Variants in GALNT13 observed in about 807,000 individuals in gnomAD.
The protein encoded by GALNT13 is UDP-GalNAc:polypeptide N-acetylgalactosaminyltransferase 13.
In GALNT13, 28 loss-of-function variants were observed where a neutral mutation model predicts 64.2. That is an observed-to-expected ratio of 0.44 (90% CI 0.32 to 0.60). The LOEUF (loss-of-function observed/expected upper bound fraction) is 0.60. GALNT13 is among the 20% of genes least tolerant of loss of function. The probability of loss-of-function intolerance (pLI) is 0.05; values close to 1 mark genes in which losing one functional copy is unlikely to be tolerated. For synonymous variants in GALNT13, 214 were observed against 224.6 expected (o/e 0.95, Z 0.42); for missense variants, 577 against 669.8 (o/e 0.86, Z 1.53).
intron 4 of GALNT13, among the ~76,000 whole-genome samples, chr2:154,195,038 C>T (rs1021112031): frequency 1.3e-5 from 2 of 151,936 alleles, no homozygotes; most frequent in African/African-American, 4.8e-5. Flanking sequence ...CCTTCCATCC[C>T]CTGACAGGTC....
the GALNT13 span, among the ~76,000 whole-genome samples, chr2:153,715,290 T>C: frequency 2.6e-5 from 4 of 152,360 alleles, no homozygotes; most frequent in South Asian, 6.2e-4. Context: ...AGGTGGTAAT[T>C]GGATCTGGGA....
At chr2:153,840,721 A>G in the GALNT13 span, among the ~76,000 whole-genome samples, 1 of 152,156 alleles carries the variant, frequency 6.6e-6, no homozygotes, top group Non-Finnish European at 1.5e-5. Flanking sequence ...AGAAAATACA[A>G]TAAAAAATAG....
intron 3 of GALNT13, among the ~76,000 whole-genome samples, chr2:154,026,060 A>T (rs1394392659): frequency 1.3e-5 from 2 of 152,166 alleles, no homozygotes; most frequent in African/African-American, 4.8e-5. Flanking sequence ...GGGGAGTAAG[A>T]ACATAGTAGA....
the GALNT13 span, among the ~76,000 whole-genome samples, chr2:153,854,447 G>T: frequency 1.5e-4 from 23 of 151,850 alleles, no homozygotes; most frequent in Non-Finnish European, 2.6e-4. Context: ...CAGGCGTGGG[G>T]GTGCACACCT....
At chr2:153,379,242 A>G in the GALNT13 span, among the ~76,000 whole-genome samples, 1 of 152,194 alleles carries the variant, frequency 6.6e-6, no homozygotes, top group Admixed American at 6.5e-5. Context: ...TGCTTTTAAA[A>G]TAACAAAAAC....
intron 10 of GALNT13, among the ~76,000 whole-genome samples, chr2:154,396,959 TA>T (rs1445601697): frequency 3.3e-5 from 5 of 149,976 alleles, no homozygotes; most frequent in African/African-American, 1.2e-4. Context: ...ATATATAATA[TA>T]TTCCTGTATT....
At chr2:153,323,662 T>A in the GALNT13 span, among the ~76,000 whole-genome samples, 1 of 152,202 alleles carries the variant, frequency 6.6e-6, no homozygotes, top group African/African-American at 2.4e-5. Context: ...AGTTAATTAT[T>A]GTATAAGGTG....
the GALNT13 span, among the ~76,000 whole-genome samples, chr2:153,577,454 T>C: frequency 6.6e-6 from 1 of 152,102 alleles, no homozygotes; most frequent in Non-Finnish European, 1.5e-5. Context: ...CCTTTCTAGC[T>C]CACAGAAGAG....
At chr2:154,252,429 C>T (rs1404815120) in intron 7 of GALNT13, among the ~76,000 whole-genome samples, 1 of 151,450 alleles carries the variant, frequency 6.6e-6, no homozygotes, top group Non-Finnish European at 1.5e-5. Context: ...CCATCTTGGC[C>T]TACCGCAAGC....
chr2:153,337,013 C>T, the GALNT13 span, among the ~76,000 whole-genome samples: 2 of 152,072 alleles, frequency 1.3e-5, no homozygotes, highest in Non-Finnish European at 2.9e-5. Context: ...TAAGAAGTGC[C>T]GTTTGCCTCC....
At chr2:153,167,416 C>A in the GALNT13 span, among the ~76,000 whole-genome samples, 2 of 152,182 alleles carry the variant, frequency 1.3e-5, no homozygotes, top group African/African-American at 4.8e-5. Flanking sequence ...TAGTAGCAAC[C>A]AAAAGTAAAC....
the GALNT13 span, among the ~76,000 whole-genome samples, chr2:153,595,744 T>C: frequency 1.3e-5 from 2 of 152,122 alleles, no homozygotes; most frequent in African/African-American, 2.4e-5. Flanking sequence ...TATGAACAGA[T>C]GAAAATTGTC....
In GALNT13 at chr2:154,372,162, G is replaced by T. The variant is rs77747201; in HGVS notation, c.1157-23829G>T. On this transcript the variant is annotated intron_variant, in intron 9 of 12. Coordinates refer to ENST00000392825, the MANE Select transcript of GALNT13 (RefSeq NM_052917.4). ...AATTAGCCTTTTCTCAGATTGTAAA[G>T]AAGTTACCTGGATTTGTAAAGAAAA... Among the ~76,000 whole-genome samples the T allele has an allele frequency of 7.6e-3, 1,161 of 152,168 alleles. 25 individuals are homozygous for T. The highest frequency in any genetic ancestry group is 0.027 in the African/African-American group (1,109 of 41,546).
intron 8 of GALNT13, among the ~76,000 whole-genome samples, chr2:154,265,986 C>T (rs886348664): frequency 2.0e-5 from 3 of 151,866 alleles, no homozygotes; most frequent in South Asian, 2.1e-4. Flanking sequence ...GGTAATTCAC[C>T]GTATCAAGAA....
At chr2:153,683,670 T>A in the GALNT13 span, among the ~76,000 whole-genome samples, 10 of 151,678 alleles carry the variant, frequency 6.6e-5, no homozygotes, top group Admixed American at 4.0e-4. Flanking sequence ...CTTGGACTTT[T>A]GATGCCTCTC....
At chr2:153,263,871 T>G in the GALNT13 span, among the ~76,000 whole-genome samples, 1 of 152,134 alleles carries the variant, frequency 6.6e-6, no homozygotes, top group East Asian at 1.9e-4. Flanking sequence ...CAATACCATT[T>G]AGGATGTAGG....
the GALNT13 span, among the ~76,000 whole-genome samples, chr2:153,540,095 C>G: frequency 6.6e-6 from 1 of 152,230 alleles, no homozygotes; most frequent in African/African-American, 2.4e-5. Flanking sequence ...CCTCTCCCAT[C>G]AGAGGCCTGA....
chr2:153,759,192 G>A, the GALNT13 span, among the ~76,000 whole-genome samples: 1 of 151,736 alleles, frequency 6.6e-6, no homozygotes, highest in African/African-American at 2.4e-5. Context: ...AGTTCTAACA[G>A]TTTTTTTTGG....
At position 154,126,660 on chromosome 2, in the gene GALNT13, A is replaced by G. The variant is rs551691996; in HGVS notation, c.143-13677A>G. Among the ~76,000 whole-genome samples the G allele has an allele frequency of 3.6e-4, 55 of 152,026 alleles. No individual in the cohort carries two copies. The East Asian group carries it at 0.01, about 29-fold the overall frequency. On this transcript the variant is annotated intron_variant, in intron 3 of 12. Coordinates refer to ENST00000392825, the MANE Select transcript of GALNT13 (RefSeq NM_052917.4). ...AAAAAAACAAAAAAAAAAAACAAAA[A>G]AAAGAAAGAAAAGAAGAAATAAATT...
Sources: allele counts gnomAD v4.1 joint callset (sites outside exome capture counted in the v4.1 genomes callset), GRCh38; gene constraint gnomAD v4.1.1; transcripts MANE v1.5; gene names NCBI Gene and HGNC (gene_info 2026-07-23, HGNC 2026-07-21).